The following SMARCC1 variants were observed in gnomAD, a reference collection of about 807,000 sequenced individuals.
SMARCC1 encodes SWI/SNF related BAF chromatin remodeling complex subunit C1.
SMARCC1 carries 43 observed loss-of-function variants against 147.4 expected under a neutral mutation model. The observed-to-expected ratio is 0.29, with a 90% CI of 0.23 to 0.38. The LOEUF (loss-of-function observed/expected upper bound fraction) is 0.38. Among genes scored for constraint, SMARCC1 ranks in the 10% least tolerant of loss-of-function variants. The pLI is 1.00. For synonymous variants in SMARCC1, 495 were observed against 484.4 expected, an observed-to-expected ratio of 1.02 and a Z score of -0.29; for missense variants, 1,119 against 1,381.1, an observed-to-expected ratio of 0.81 and a Z score of 3.01.
chr3:47,636,753 C>G (rs541458344), intron 22 of SMARCC1, among the ~76,000 whole-genome samples: 1 of 151,250 alleles, frequency 6.6e-6, no homozygotes, highest in East Asian at 2.0e-4. Flanking sequence ...GAGACTCCAT[C>G]TCAAAAACAA....
At chr3:47,616,190 C>T (rs140427440) in intron 25 of SMARCC1, among the ~76,000 whole-genome samples, 5 of 152,334 alleles carry the variant, frequency 3.3e-5, no homozygotes, top group Non-Finnish European at 7.3e-5. Flanking sequence ...CAACACAACC[C>T]ATGTCTGAAA....
chr3:47,655,715 T>A (rs1296081053), intron 21 of SMARCC1, among the ~76,000 whole-genome samples: 1 of 151,708 alleles, frequency 6.6e-6, no homozygotes, highest in African/African-American at 2.4e-5. Flanking sequence ...CAAAAAATAA[T>A]AATAATTAAA....
chr3:47,778,490 T>C (rs1412752004), intron 1 of SMARCC1, among the ~76,000 whole-genome samples: 1 of 151,926 alleles, frequency 6.6e-6, no homozygotes, highest in African/African-American at 2.4e-5. Flanking sequence ...TTTTTTTGTT[T>C]TGTTTTGTTT....
chr3:47,718,516 AAAT>A (rs2106807278), intron 7 of SMARCC1, among the ~76,000 whole-genome samples: 1 of 152,220 alleles, frequency 6.6e-6, no homozygotes, highest in Non-Finnish European at 1.5e-5. Context: ...GATTTGCTAT[AAAT>A]AATATGAGAA....
chr3:47,643,237 T>A (rs1462038082), intron 21 of SMARCC1, among the ~76,000 whole-genome samples: 1 of 152,240 alleles, frequency 6.6e-6, no homozygotes, highest in Non-Finnish European at 1.5e-5. Flanking sequence ...AGCTCAGTGA[T>A]GCAAGCTCCT....
Position 47,670,666 on chromosome 3 carries a change from G to A in SMARCC1, c.1891C>T (p.Leu631Phe). The change falls in exon 19 of 28, where the codon CTC becomes TTC. Residue 631 changes from leucine to phenylalanine, a missense_variant. Physicochemically the swap from Leu to Phe is conservative, Grantham distance 22. Coordinates refer to ENST00000254480, the MANE Select transcript of SMARCC1 (RefSeq NM_003074.4). Reference protein sequence around the residue: ...REWTEQETLLLLEALEMYKDD... With the variant: ...REWTEQETLLFLEALEMYKDD... The stretch of plus-strand genomic sequence containing the variant: ...TGCATTAATCTGCTTACCTCCAGGA[G>A]TAGAAGGGTCTCCTGTTCAGTCCAT... The A allele has an allele frequency of 6.4e-7, 1 of 1,568,274 alleles. No homozygotes were observed. The highest frequency in any genetic ancestry group is 1.7e-4 in the Middle Eastern group (1 of 6,000).
At chr3:47,590,184 ACTTT>A (rs2032152895) in intron 27 of SMARCC1, among the ~76,000 whole-genome samples, 1 of 152,198 alleles carries the variant, frequency 6.6e-6, no homozygotes, top group Non-Finnish European at 1.5e-5. Context: ...CCTGAATACT[ACTTT>A]CTTAGCCTAC....
At chr3:47,613,358 T>C (rs2032589140) in intron 25 of SMARCC1, among the ~76,000 whole-genome samples, 1 of 151,778 alleles carries the variant, frequency 6.6e-6, no homozygotes, top group African/African-American at 2.4e-5. Flanking sequence ...TCCATAGAAA[T>C]GAAACTGGAA....
At chr3:47,639,151 T>C (rs939850330) in intron 21 of SMARCC1, among the ~76,000 whole-genome samples, 1 of 152,190 alleles carries the variant, frequency 6.6e-6, no homozygotes, top group Non-Finnish European at 1.5e-5. Flanking sequence ...ATTTTCTGTA[T>C]GTATTAAAAT....
intron 26 of SMARCC1, chr3:47,604,389 G>A (rs752775684): frequency 1.4e-5 from 6 of 427,056 alleles, no homozygotes; most frequent in South Asian, 6.8e-5. Context: ...TCATAAAGTC[G>A]AGCCAAATAC....
In SMARCC1 at chr3:47,590,949, A is replaced by G. The variant is rs984329377; in HGVS notation, c.3044-112T>C. The G allele has an allele frequency of 4.4e-6, 4 of 900,724 alleles. No homozygotes were observed. In the African/African-American group the frequency reaches 5.1e-5, roughly 12 times the overall value. 55.8% of individuals were successfully genotyped at this position (900,724 alleles called of 1,614,324 possible). On this transcript the variant is annotated intron_variant, in intron 26 of 27. Transcript: ENST00000254480. ...TATCCAACCTTCCAAAGGATCTGAAATATCAACAGAGCAATAATCTGTAAT... is the reference window on the plus strand; with the variant it reads ...TATCCAACCTTCCAAAGGATCTGAAGTATCAACAGAGCAATAATCTGTAAT...
Position 47,681,864 on chromosome 3 carries a change from T to G in SMARCC1, c.1386-1356A>C, listed in dbSNP as rs112067888. On this transcript the variant is annotated intron_variant, in intron 14 of 27. Transcript: ENST00000254480. The stretch of plus-strand genomic sequence containing the variant: ...CTAATATAACTCCTAATGTTTTCAT[T>G]GTTACAGGTTAGGAAAGGCCCACTT... Among the ~76,000 whole-genome samples, 1,485 of 152,266 alleles carry G rather than the reference T, an allele frequency of 9.8e-3. 12 individuals carry two copies. The highest frequency in any genetic ancestry group is 0.037 in the Middle Eastern group (11 of 294).
chr3:47,757,658 CCTGTAG>C (rs1303771163), intron 2 of SMARCC1, among the ~76,000 whole-genome samples: 1 of 151,798 alleles, frequency 6.6e-6, no homozygotes. Flanking sequence ...GCAGCATGCA[CCTGTAG>C]TCCCAGCTAC....
intron 1 of SMARCC1, among the ~76,000 whole-genome samples, chr3:47,781,261 G>A (rs1302792211): frequency 6.6e-6 from 1 of 152,232 alleles, no homozygotes; most frequent in African/African-American, 2.4e-5. Flanking sequence ...TACCACGCTT[G>A]CTCGGTCTTT....
chr3:47,624,068 T>C (rs1009259296), intron 24 of SMARCC1, among the ~76,000 whole-genome samples: 1 of 151,972 alleles, frequency 6.6e-6, no homozygotes, highest in Non-Finnish European at 1.5e-5. Flanking sequence ...GGTGGGCAGA[T>C]CACATGAGAT....
chr3:47,608,865 A>C (rs2032521065), intron 26 of SMARCC1, among the ~76,000 whole-genome samples: 1 of 151,186 alleles, frequency 6.6e-6, no homozygotes, highest in African/African-American at 2.4e-5. Context: ...AAAAAAAAAA[A>C]AAAAAAAAAG....
intron 7 of SMARCC1, among the ~76,000 whole-genome samples, chr3:47,716,436 A>C (rs997985426): frequency 6.6e-6 from 1 of 151,338 alleles, no homozygotes; most frequent in Non-Finnish European, 1.5e-5. Context: ...AAAAAAAAAA[A>C]AAACCCAACC....
At chr3:47,751,955 A>G (rs1407700251) in intron 2 of SMARCC1, among the ~76,000 whole-genome samples, 5 of 152,016 alleles carry the variant, frequency 3.3e-5, no homozygotes, top group Non-Finnish European at 7.4e-5. Flanking sequence ...ATGGTGGCAC[A>G]CATCTGTGAT....
intron 2 of SMARCC1, among the ~76,000 whole-genome samples, chr3:47,746,894 C>T (rs1468902790): frequency 6.6e-6 from 1 of 151,920 alleles, no homozygotes; most frequent in Admixed American, 6.6e-5. Context: ...CCACGCCCGG[C>T]TAATTTTGCA....
Sources: allele counts gnomAD v4.1 joint callset (sites outside exome capture counted in the v4.1 genomes callset), GRCh38; gene constraint gnomAD v4.1.1; transcripts MANE v1.5; gene names NCBI Gene and HGNC (gene_info 2026-07-23, HGNC 2026-07-21).